Variants in GTF2A1 observed in about 807,000 individuals in gnomAD.
GTF2A1 encodes transcription initiation factor IIA subunit 1.
A neutral mutation model predicts 54.1 loss-of-function variants in GTF2A1; 12 were observed. That is an observed-to-expected ratio of 0.22 (90% CI 0.14 to 0.36). The LOEUF is 0.36. Among genes scored for constraint, GTF2A1 ranks in the 10% least tolerant of loss-of-function variants. The pLI is 1.00. For missense variants in GTF2A1, 335 were observed against 442.2 expected (o/e 0.76, Z 2.17); for synonymous variants, 145 against 152.0 (o/e 0.95, Z 0.34).
chr14:81,180,244 G>A lies in GTF2A1; in HGVS notation c.1110C>T (p.Ala370=). Residue 370 remains alanine (A), a synonymous_variant, in exon 9 of 9, where the codon GCC becomes GCT. Transcript: ENST00000553612. ...LNGRDYIFSK[A]IGDAEW is the part of the protein sequence containing the mutation. ...CTCTTCACCATTCTGCATCTCCAAT[G>A]GCTTTGGAAAATATATAATCTCTTC... 3 of 1,367,032 alleles carry A rather than the reference G, an allele frequency of 2.2e-6. No individual in the cohort carries two copies. The highest frequency in any genetic ancestry group is 1.9e-4 in the Middle Eastern group (1 of 5,374). 84.7% of individuals were successfully genotyped at this position (1,367,032 alleles called of 1,614,324 possible).
At chr14:81,198,418 T>C (rs1163252022) in intron 4 of GTF2A1, among the ~76,000 whole-genome samples, 2 of 152,234 alleles carry the variant, frequency 1.3e-5, no homozygotes, top group East Asian at 3.9e-4. Flanking sequence ...CACTCCAGCC[T>C]GGGCAATAGT....
intron 5 of GTF2A1, 83 bp from the exon 6 acceptor site, chr14:81,196,324 C>A: frequency 1.5e-6 from 2 of 1,344,016 alleles, no homozygotes; most frequent in Non-Finnish European, 2.1e-6. Flanking sequence ...AATTTCATAC[C>A]ACCAAAGGCA....
At chr14:81,196,006 GA>G in intron 6 of GTF2A1, 101 bp downstream of exon 6, 1 of 1,039,578 alleles carries the variant, frequency 9.6e-7, no homozygotes, top group East Asian at 2.4e-5. Flanking sequence ...CTGTAGCACT[GA>G]AAAAGAGTCT....
chr14:81,195,491 G>C (rs1373009376), intron 6 of GTF2A1, among the ~76,000 whole-genome samples: 1 of 151,732 alleles, frequency 6.6e-6, no homozygotes, highest in Non-Finnish European at 1.5e-5. Flanking sequence ...AGTTAGCCAA[G>C]TGTGGTGGTG....
Position 81,178,318 on chromosome 14 carries a change from A to G in GTF2A1, c.*1905T>C, listed in dbSNP as rs1244672534. ...CCTACTAGCAACTATATTGAAGAAC[A>G]GTTGAACAACAGCACTTCTGTGATG... On this transcript the variant is annotated 3_prime_UTR_variant, in exon 9 of 9. Transcript: ENST00000553612. 6.6e-6 allele frequency: 1 copy of G among 152,188 alleles called. No individual in the cohort carries two copies. The highest frequency in any genetic ancestry group is 2.4e-5 in the African/African-American group (1 of 41,462). 9.4% of individuals were successfully genotyped at this position (152,188 alleles called of 1,614,324 possible). A position where few individuals can be genotyped will look rare whatever the true frequency, so the allele number is the denominator to read the frequency against.
intron 1 of GTF2A1, among the ~76,000 whole-genome samples, chr14:81,219,790 G>A (rs967727466): frequency 4.6e-5 from 7 of 152,144 alleles, no homozygotes; most frequent in African/African-American, 1.7e-4. Flanking sequence ...AGGCGAAAGC[G>A]GGGACACTTG....
intron 7 of GTF2A1, among the ~76,000 whole-genome samples, chr14:81,187,702 T>G (rs987542169): frequency 3.3e-5 from 5 of 152,246 alleles, no homozygotes; most frequent in African/African-American, 1.2e-4. Flanking sequence ...ATTCTTCTTA[T>G]GGCTAAATAA....
At chr14:81,208,780 G>C (rs1893298544) in intron 2 of GTF2A1, among the ~76,000 whole-genome samples, 1 of 152,222 alleles carries the variant, frequency 6.6e-6, no homozygotes, top group Non-Finnish European at 1.5e-5. Flanking sequence ...AGTCAAAGGA[G>C]ATCACTTTGG....
At chr14:81,181,481 C>T (rs1295961507) in intron 8 of GTF2A1, among the ~76,000 whole-genome samples, 1 of 152,166 alleles carries the variant, frequency 6.6e-6, no homozygotes, top group African/African-American at 2.4e-5. Context: ...GTCCAGTACG[C>T]TTTTACTAAA....
At chr14:81,203,558 G>T (rs1893160649) in intron 3 of GTF2A1, among the ~76,000 whole-genome samples, 1 of 152,096 alleles carries the variant, frequency 6.6e-6, no homozygotes, top group African/African-American at 2.4e-5. Flanking sequence ...AAACCTTTTA[G>T]ATTTAACTTA....
intron 8 of GTF2A1, 140 bp from the exon 9 acceptor site, chr14:81,180,470 GGTTT>G (rs1595203862): frequency 2.0e-6 from 1 of 503,296 alleles, no homozygotes; most frequent in African/African-American, 2.0e-5. Context: ...TTTGCAAATT[GGTTT>G]GTTTTTGTAG....
At chr14:81,212,677 C>T (rs1335673051) in intron 2 of GTF2A1, among the ~76,000 whole-genome samples, 3 of 152,176 alleles carry the variant, frequency 2.0e-5, no homozygotes, top group African/African-American at 7.2e-5. Context: ...CTTTCTAAAC[C>T]ATAAAATATG....
intron 7 of GTF2A1, among the ~76,000 whole-genome samples, chr14:81,188,616 A>T (rs1892799940): frequency 6.6e-6 from 1 of 151,938 alleles, no homozygotes; most frequent in Non-Finnish European, 1.5e-5. Flanking sequence ...CTAAAAAAAA[A>T]AATACAAAAA....
rs1467889452 is a variant in GTF2A1, at chr14:81,177,877, A to C, written c.*2346T>G. The C allele has an allele frequency of 6.6e-6, 1 of 152,186 alleles. No individual in the cohort carries two copies. Among genetic ancestry groups the C allele is most frequent in the Non-Finnish European group, 1.5e-5 (1 of 67,986 alleles). The allele number at this position is 152,186 out of a possible 1,614,324, so 9.4% of individuals were successfully genotyped here. A position where few individuals can be genotyped will look rare whatever the true frequency, so the allele number is the denominator to read the frequency against. Reference sequence around the variant, plus strand: ...ATTTGATTAAAAAGGACACGATGCAAATAATATATAAGAGCACAATTTGGT... The same window carrying C: ...ATTTGATTAAAAAGGACACGATGCACATAATATATAAGAGCACAATTTGGT... On this transcript the variant is annotated 3_prime_UTR_variant, in exon 9 of 9. Transcript: ENST00000553612.
intron 1 of GTF2A1, 52 bp from the exon 2 acceptor site, chr14:81,216,566 A>C: frequency 1.3e-6 from 1 of 789,636 alleles, no homozygotes. Flanking sequence ...ACAGCTTATA[A>C]TGTATAACAG....
chr14:81,192,166 C>A (rs1056980335), intron 7 of GTF2A1, among the ~76,000 whole-genome samples: 2 of 152,042 alleles, frequency 1.3e-5, no homozygotes, highest in Non-Finnish European at 2.9e-5. Flanking sequence ...ATTACTGAAG[C>A]AAAAGATTAA....
intron 2 of GTF2A1, among the ~76,000 whole-genome samples, chr14:81,208,699 C>T (rs1384552759): frequency 1.3e-5 from 2 of 152,196 alleles, no homozygotes; most frequent in African/African-American, 4.8e-5. Flanking sequence ...CCTGCAAAGC[C>T]ACGGGGCAGA....
intron 7 of GTF2A1, among the ~76,000 whole-genome samples, chr14:81,188,587 C>G (rs1427419349): frequency 6.6e-6 from 1 of 151,732 alleles, no homozygotes; most frequent in African/African-American, 2.4e-5. Context: ...CTGGCTAACA[C>G]AGTGAAACCC....
chr14:81,190,757 T>C (rs1156507633), intron 7 of GTF2A1, among the ~76,000 whole-genome samples: 1 of 152,114 alleles, frequency 6.6e-6, no homozygotes, highest in Non-Finnish European at 1.5e-5. Context: ...GTGCCTGCTA[T>C]CACCACTTCT....
Sources: allele counts gnomAD v4.1 joint callset (sites outside exome capture counted in the v4.1 genomes callset), GRCh38; gene constraint gnomAD v4.1.1; transcripts MANE v1.5; gene names NCBI Gene and HGNC (gene_info 2026-07-23, HGNC 2026-07-21).